CNTN4: variants seen among roughly 807,000 people sequenced by gnomAD.
CNTN4 encodes contactin-4.
In CNTN4, 77 loss-of-function variants were observed where a neutral mutation model predicts 122.5. The observed-to-expected ratio is 0.63, with a 90% CI of 0.52 to 0.76. CNTN4 has a LOEUF of 0.76. Among genes scored for constraint, CNTN4 ranks in the 30% least tolerant of loss-of-function variants. The pLI is 0.00. For synonymous variants in CNTN4, 512 were observed against 447.0 expected (o/e 1.15, Z -1.83); for missense variants, 1,256 against 1,259.1 (o/e 1.00, Z 0.04).
intron 3 of CNTN4, among the ~76,000 whole-genome samples, chr3:2,426,724 C>G (rs926588777): frequency 1.3e-5 from 2 of 151,948 alleles, no homozygotes; most frequent in Non-Finnish European, 2.9e-5. Flanking sequence ...TTGGTAGGCT[C>G]TTAATTATTG....
chr3:2,731,534 C>T lies in CNTN4; in HGVS notation c.56-4681C>T, dbSNP rs115648393. Reference sequence around the variant, plus strand: ...GATCAATGGTCTGGAATCCACAAGACTGTAGGTGAGCTCTTGGCAATCTTA... The same window carrying T: ...GATCAATGGTCTGGAATCCACAAGATTGTAGGTGAGCTCTTGGCAATCTTA... On this transcript the variant is annotated intron_variant, in intron 4 of 24. Transcript: ENST00000418658. 3.3e-3 allele frequency among the ~76,000 whole-genome samples: 497 copies of T among 152,304 alleles called. 5 individuals carry two copies. The highest frequency in any genetic ancestry group is 0.011 in the African/African-American group (478 of 41,566).
At chr3:2,868,274 G>T (rs2093746508) in intron 8 of CNTN4, among the ~76,000 whole-genome samples, 1 of 152,072 alleles carries the variant, frequency 6.6e-6, no homozygotes, top group African/African-American at 2.4e-5. Flanking sequence ...GGAAACTGGG[G>T]CTCAGCCACA....
chr3:2,722,982 C>G (rs572824660), intron 4 of CNTN4, among the ~76,000 whole-genome samples: 47 of 152,278 alleles, frequency 3.1e-4, no homozygotes, highest in African/African-American at 1.0e-3. Flanking sequence ...ATTCTGCTGT[C>G]TATTGAAGGG....
intron 2 of CNTN4, among the ~76,000 whole-genome samples, chr3:2,303,407 C>A (rs1416144109): frequency 6.6e-6 from 1 of 152,120 alleles, no homozygotes; most frequent in Non-Finnish European, 1.5e-5. Context: ...AACCACTAAT[C>A]CACTTTCTGT....
In CNTN4 at chr3:2,307,353, T is replaced by G. The variant is rs554775340; in HGVS notation, c.-144-31825T>G. Among the ~76,000 whole-genome samples, 729 of 151,170 alleles carry G rather than the reference T, an allele frequency of 4.8e-3. 7 individuals are homozygous for G. Among genetic ancestry groups the G allele is most frequent in the African/African-American group, 0.017 (690 of 41,154 alleles). ...GGGAGGCTGGGGCAGGAGAATGGCGTGAACCCGGGAGGCGGAGCTTGCAGT... is the reference window on the plus strand; with the variant it reads ...GGGAGGCTGGGGCAGGAGAATGGCGGGAACCCGGGAGGCGGAGCTTGCAGT... On this transcript the variant is annotated intron_variant, in intron 2 of 24. Transcript: ENST00000418658.
At chr3:2,369,895 C>T (rs2045567791) in intron 3 of CNTN4, among the ~76,000 whole-genome samples, 1 of 151,974 alleles carries the variant, frequency 6.6e-6, no homozygotes. Flanking sequence ...ATGATACTTC[C>T]CTCTTGAGAA....
At chr3:2,912,870 G>C (rs2094315955) in intron 12 of CNTN4, among the ~76,000 whole-genome samples, 1 of 152,216 alleles carries the variant, frequency 6.6e-6, no homozygotes, top group Non-Finnish European at 1.5e-5. Context: ...GGAAACACAA[G>C]GCTGGGTGCA....
intron 7 of CNTN4, among the ~76,000 whole-genome samples, chr3:2,856,509 C>A (rs2150729486): frequency 6.6e-6 from 1 of 152,296 alleles, no homozygotes; most frequent in East Asian, 1.9e-4. Context: ...TCCACTATAC[C>A]TTAAGCAACC....
intron 2 of CNTN4, among the ~76,000 whole-genome samples, chr3:2,237,810 G>C (rs1261100677): frequency 6.6e-6 from 1 of 152,120 alleles, no homozygotes; most frequent in Non-Finnish European, 1.5e-5. Flanking sequence ...AAGTGAGACA[G>C]TTTGACTTTC....
chr3:2,790,426 C>A (rs1301874986), intron 6 of CNTN4, among the ~76,000 whole-genome samples: 3 of 152,184 alleles, frequency 2.0e-5, no homozygotes, highest in African/African-American at 7.2e-5. Flanking sequence ...GAAAGATCTT[C>A]AGGGATAGTC....
chr3:2,924,322 C>T lies in CNTN4; in HGVS notation c.1208-1307C>T. Among the ~76,000 whole-genome samples the T allele has an allele frequency of 1.3e-5, 2 of 151,946 alleles. 1 individual carries two copies. The highest frequency in any genetic ancestry group is 2.9e-5 in the Non-Finnish European group (2 of 67,996). On this transcript the variant is annotated intron_variant, in intron 12 of 24. Transcript: ENST00000418658. ...TTGGCCCCCATTACCCCCCAAGCCC[C>T]CGCATTCACATAACACACACCTCAA...
intron 3 of CNTN4, among the ~76,000 whole-genome samples, chr3:2,365,783 A>T (rs2045354240): frequency 6.6e-6 from 1 of 152,236 alleles, no homozygotes. Flanking sequence ...ATCCACATAT[A>T]GTGCTGAGTT....
intron 2 of CNTN4, among the ~76,000 whole-genome samples, chr3:2,134,914 T>G (rs1438640429): frequency 6.6e-6 from 1 of 152,164 alleles, no homozygotes; most frequent in African/African-American, 2.4e-5. Flanking sequence ...ATTCAAATGT[T>G]AACCTCATCC....
chr3:2,144,468 A>G (rs2035149413), intron 2 of CNTN4, among the ~76,000 whole-genome samples: 1 of 152,206 alleles, frequency 6.6e-6, no homozygotes, highest in South Asian at 2.1e-4. Flanking sequence ...AGAGTGAAGA[A>G]TTGTTCTTAT....
chr3:2,576,896 C>T (rs193203993), intron 4 of CNTN4, among the ~76,000 whole-genome samples: 1 of 152,084 alleles, frequency 6.6e-6, no homozygotes, highest in Non-Finnish European at 1.5e-5. Flanking sequence ...AGAACTGTTC[C>T]CCTGTTGTAT....
chr3:2,538,641 T>A (rs1016586094), intron 3 of CNTN4, among the ~76,000 whole-genome samples: 3 of 152,070 alleles, frequency 2.0e-5, no homozygotes, highest in African/African-American at 7.2e-5. Context: ...TTGATTGTAC[T>A]TGTTAACTTT....
At chr3:2,142,863 T>A (rs2035066509) in intron 2 of CNTN4, among the ~76,000 whole-genome samples, 2 of 152,224 alleles carry the variant, frequency 1.3e-5, no homozygotes, top group African/African-American at 4.8e-5. Flanking sequence ...GGAGTGAATT[T>A]CCACGTAACT....
At chr3:2,109,089 G>C (rs541901268) in intron 2 of CNTN4, among the ~76,000 whole-genome samples, 11 of 152,156 alleles carry the variant, frequency 7.2e-5, no homozygotes, top group Non-Finnish European at 1.6e-4. Context: ...AGCTGGAATT[G>C]ACTGCAGGAT....
At chr3:2,592,141 A>G (rs2080525169) in intron 4 of CNTN4, among the ~76,000 whole-genome samples, 1 of 152,112 alleles carries the variant, frequency 6.6e-6, no homozygotes, top group Non-Finnish European at 1.5e-5. Context: ...CCAGCCTCTG[A>G]AAGTGTTGGA....
Sources: allele counts gnomAD v4.1 joint callset (sites outside exome capture counted in the v4.1 genomes callset), GRCh38; gene constraint gnomAD v4.1.1; transcripts MANE v1.5; gene names NCBI Gene and HGNC (gene_info 2026-07-23, HGNC 2026-07-21).